QSOX1: variants seen among roughly 807,000 people sequenced by gnomAD.
QSOX1 encodes quiescin sulfhydryl oxidase 1, also known as sulfhydryl oxidase 1.
A neutral mutation model predicts 76.1 loss-of-function variants in QSOX1; 40 were observed. The observed-to-expected ratio is 0.53, with a 90% CI of 0.41 to 0.68. The LOEUF (loss-of-function observed/expected upper bound fraction) is 0.68. Among genes scored for constraint, QSOX1 ranks in the 30% least tolerant of loss-of-function variants. The pLI is 0.00. For synonymous variants in QSOX1, 392 were observed against 413.1 expected (o/e 0.95, Z 0.62); for missense variants, 931 against 974.3 (o/e 0.96, Z 0.59).
In QSOX1 at chr1:180,198,144, A is replaced by G. The variant is rs757216875; in HGVS notation, c.*1107A>G. ...GCAGCCAGACTCGATGTCCCTCAGCACACACAGCTCCTGGCCACAGACTGC... is the reference window on the plus strand; with the variant it reads ...GCAGCCAGACTCGATGTCCCTCAGCGCACACAGCTCCTGGCCACAGACTGC... On this transcript the variant is annotated 3_prime_UTR_variant, in exon 12 of 12. Coordinates refer to ENST00000367602, the MANE Select transcript of QSOX1 (RefSeq NM_002826.5). 5.3e-5 allele frequency: 24 copies of G among 456,344 alleles called. 2 individuals are homozygous for G. Among genetic ancestry groups the G allele is most frequent in the South Asian group, 3.4e-4 (22 of 64,548 alleles). The allele number at this position is 456,344 out of a possible 1,614,324, so 28.3% of individuals were successfully genotyped here.
chr1:180,187,655 G>A (rs1052555910), intron 8 of QSOX1, among the ~76,000 whole-genome samples: 5 of 152,392 alleles, frequency 3.3e-5, no homozygotes, highest in Non-Finnish European at 4.4e-5. Flanking sequence ...CCTGAGCTGG[G>A]CAGAGGCATC....
chr1:180,194,917 G>A (rs1418450206), intron 11 of QSOX1, among the ~76,000 whole-genome samples: 2 of 152,266 alleles, frequency 1.3e-5, no homozygotes, highest in Admixed American at 1.3e-4. Context: ...CAGGGAGCTG[G>A]GTCGGGAGGG....
intron 2 of QSOX1, 97 bp from the exon 3 acceptor site, chr1:180,175,224 C>T (rs556113677): frequency 2.7e-5 from 29 of 1,090,528 alleles, no homozygotes; most frequent in South Asian, 6.2e-5. Flanking sequence ...GCCCAGCCAC[C>T]GCATTGAATA....
chr1:180,189,515 T>G (rs753062900), intron 8 of QSOX1, 37 bp from the exon 9 acceptor site: 1 of 1,376,656 alleles, frequency 7.3e-7, no homozygotes, highest in South Asian at 1.2e-5. Context: ...GGGGAATTGC[T>G]TTTCACTCTC....
Position 180,199,220 on chromosome 1 carries a change from G to C in QSOX1, c.*2183G>C, listed in dbSNP as rs772871973. On this transcript the variant is annotated 3_prime_UTR_variant, in exon 12 of 12. Coordinates refer to ENST00000367602, the MANE Select transcript of QSOX1 (RefSeq NM_002826.5). Reference sequence around the variant, plus strand: ...TCACCTTGATTTCCCCAGGGCTCTCGGCAACATCGATAAACCAGCCTCGCC... The same window carrying C: ...TCACCTTGATTTCCCCAGGGCTCTCCGCAACATCGATAAACCAGCCTCGCC... 3 of 152,182 alleles carry C rather than the reference G, an allele frequency of 2.0e-5. No homozygotes were observed. The highest frequency in any genetic ancestry group is 4.4e-5 in the Non-Finnish European group (3 of 68,072). 9.4% of individuals were successfully genotyped at this position (152,182 alleles called of 1,614,324 possible).
chr1:180,184,438 T>A (rs1427128546), intron 7 of QSOX1, among the ~76,000 whole-genome samples: 1 of 152,216 alleles, frequency 6.6e-6, no homozygotes, highest in African/African-American at 2.4e-5. Flanking sequence ...CACTATGTGC[T>A]AGGCACTGTG....
intron 10 of QSOX1, 95 bp downstream of exon 10, chr1:180,190,675 C>A: frequency 7.1e-7 from 1 of 1,401,698 alleles, no homozygotes; most frequent in African/African-American, 1.4e-5. Flanking sequence ...CTTGAATTGC[C>A]CCACTGGCTC....
chr1:180,173,192 G>A (rs1419670352), intron 2 of QSOX1, among the ~76,000 whole-genome samples: 1 of 151,338 alleles, frequency 6.6e-6, no homozygotes, highest in East Asian at 2.0e-4. Flanking sequence ...GAACTCCAGG[G>A]TTCAAGTGAT....
At chr1:180,189,792 C>A in intron 9 of QSOX1, 118 bp downstream of exon 9, 2 of 1,180,996 alleles carry the variant, frequency 1.7e-6, no homozygotes, top group Non-Finnish European at 2.4e-6. Context: ...CAGTGATCTT[C>A]GTTGGGTCCT....
At chr1:180,181,536 C>A (rs1279717808) in intron 5 of QSOX1, among the ~76,000 whole-genome samples, 1 of 152,150 alleles carries the variant, frequency 6.6e-6, no homozygotes, top group Non-Finnish European at 1.5e-5. Context: ...TTACCCAATT[C>A]CAAAGGTTTA....
intron 11 of QSOX1, among the ~76,000 whole-genome samples, chr1:180,194,728 G>T (rs1663417357): frequency 6.6e-6 from 1 of 152,206 alleles, no homozygotes; most frequent in African/African-American, 2.4e-5. Context: ...AGGGAGCTGG[G>T]GTTCTCTCTC....
chr1:180,168,863 C>T (rs183251705), intron 2 of QSOX1, among the ~76,000 whole-genome samples: 1 of 152,318 alleles, frequency 6.6e-6, no homozygotes, highest in Non-Finnish European at 1.5e-5. Flanking sequence ...GCCCTGTTGC[C>T]CTGCCTGCTG....
At chr1:180,166,036 C>G (rs1036207017) in intron 1 of QSOX1, among the ~76,000 whole-genome samples, 2 of 152,120 alleles carry the variant, frequency 1.3e-5, no homozygotes, top group African/African-American at 4.8e-5. Context: ...GGAAACTTCC[C>G]TAAGGGTCCC....
rs771629082 is a variant in QSOX1, at chr1:180,194,330, G to A, written c.1406G>A (p.Ser469Asn). The A allele has an allele frequency of 6.2e-7, 1 of 1,608,118 alleles. No homozygotes were observed. The highest frequency in any genetic ancestry group is 8.5e-7 in the Non-Finnish European group (1 of 1,176,158). ...GCTGCCTCCATGCACCGGGTGGGGA[G>A]TCCCAACGCCGCTGTCCTCTGGCTC... ...MAAASMHRVG[S>N]PNAAVLWLWS... The change falls in exon 11 of 12, where the codon AGT (serine) becomes AAT (asparagine). Residue 469 changes from serine to asparagine, a missense_variant. Physicochemically the swap from Ser to Asn is conservative, Grantham distance 46. Transcript: ENST00000367602.
Position 180,196,139 on chromosome 1 carries a change from TG to T in QSOX1, c.1469-121del. 1 of 1,237,648 alleles carries T rather than the reference TG, an allele frequency of 8.1e-7. No individual in the cohort carries two copies. The highest frequency in any genetic ancestry group is 1.1e-6 in the Non-Finnish European group (1 of 893,458). 76.7% of individuals were successfully genotyped at this position (1,237,648 alleles called of 1,614,324 possible). ...CTGTATTTTCTAATTACCCATCCTC[TG>T]GAAGGGCAGTGGCGAGCCCTTTCTG... On this transcript the variant is annotated intron_variant, in intron 11 of 11. Transcript: ENST00000367602. The surrounding 1 kb of genome is among the most constrained non-coding windows in gnomAD (Gnocchi z 4.1).
chr1:180,167,534 T>G (rs1027886576), intron 2 of QSOX1, among the ~76,000 whole-genome samples: 1 of 152,142 alleles, frequency 6.6e-6, no homozygotes, highest in Non-Finnish European at 1.5e-5. Context: ...GCAGCATCCA[T>G]CCGGGAAGTA....
intron 1 of QSOX1, among the ~76,000 whole-genome samples, chr1:180,161,712 C>A (rs1010985727): frequency 1.3e-5 from 2 of 152,132 alleles, no homozygotes; most frequent in African/African-American, 4.8e-5. Flanking sequence ...TTAAAAAGAA[C>A]CAGCAACGTT....
chr1:180,160,899 T>G (rs115626691), intron 1 of QSOX1, among the ~76,000 whole-genome samples: 2,493 of 152,300 alleles, frequency 0.016, 73 homozygotes, highest in African/African-American at 0.058. Context: ...GTTGGAGAAT[T>G]GTAGCTAGTT....
In QSOX1 at chr1:180,193,461, T is replaced by C. The variant is rs988774104; in HGVS notation, c.1289-752T>C. Among the ~76,000 whole-genome samples the C allele has an allele frequency of 2.6e-5, 4 of 151,692 alleles. No homozygotes were observed. In the East Asian group the frequency reaches 7.8e-4, roughly 30 times the overall value. On this transcript the variant is annotated intron_variant, in intron 10 of 11. Transcript: ENST00000367602. ...GGAGAGTAGGGTGCCAACGTCCTGC[T>C]GCGTGGAGGGGTAAAAGCAGGAGAT...
Sources: allele counts gnomAD v4.1 joint callset (sites outside exome capture counted in the v4.1 genomes callset), GRCh38; gene constraint gnomAD v4.1.1; non-coding constraint Gnocchi (gnomAD v3.1); transcripts MANE v1.5; gene names NCBI Gene and HGNC (gene_info 2026-07-23, HGNC 2026-07-21).